The following SLC4A10 variants were observed in gnomAD, a reference collection of about 807,000 sequenced individuals.
SLC4A10 encodes solute carrier family 4 member 10.
In SLC4A10, 42 loss-of-function variants were observed where a neutral mutation model predicts 137.7. The ratio of observed to expected loss-of-function variants is 0.30; its 90% CI spans 0.24 to 0.39. The LOEUF (loss-of-function observed/expected upper bound fraction) is 0.39, where lower values mean the gene tolerates loss of function less well. Among genes scored for constraint, SLC4A10 ranks in the 10% least tolerant of loss-of-function variants. The pLI is 1.00. For missense variants in SLC4A10, 925 were observed against 1,355.0 expected, an observed-to-expected ratio of 0.68 and a Z score of 4.98; for synonymous variants, 474 against 464.1, an observed-to-expected ratio of 1.02 and a Z score of -0.27.
At chr2:161,637,075 AAATACG>A (rs2034523285) in intron 1 of SLC4A10, among the ~76,000 whole-genome samples, 1 of 124,856 alleles carries the variant, frequency 8.0e-6, no homozygotes, top group East Asian at 2.6e-4. Context: ...CTATATACAT[AAATACG>A]TATATACATA....
intron 3 of SLC4A10, among the ~76,000 whole-genome samples, chr2:161,839,037 T>C (rs1030631637): frequency 2.0e-5 from 3 of 152,214 alleles, no homozygotes; most frequent in African/African-American, 4.8e-5. Context: ...GTATTTATAA[T>C]TGGGCCAAGC....
chr2:161,779,892 G>A (rs370616796), intron 2 of SLC4A10, among the ~76,000 whole-genome samples: 2 of 151,810 alleles, frequency 1.3e-5, no homozygotes, highest in East Asian at 1.9e-4. Flanking sequence ...AAGCTTTATT[G>A]GAACATAGCC....
intron 3 of SLC4A10, among the ~76,000 whole-genome samples, chr2:161,835,766 T>A (rs1559356949): frequency 6.6e-6 from 1 of 152,208 alleles, no homozygotes; most frequent in Non-Finnish European, 1.5e-5. Flanking sequence ...TGCTTATATA[T>A]CCTGCTGTAC....
At chr2:161,937,804 A>T (rs1415118663) in intron 15 of SLC4A10, among the ~76,000 whole-genome samples, 1 of 152,168 alleles carries the variant, frequency 6.6e-6, no homozygotes, top group African/African-American at 2.4e-5. Context: ...AACTTACTGC[A>T]ATCTAGGTTC....
chr2:161,663,228 A>G (rs1341568409), intron 1 of SLC4A10, among the ~76,000 whole-genome samples: 1 of 152,224 alleles, frequency 6.6e-6, no homozygotes, highest in Non-Finnish European at 1.5e-5. Flanking sequence ...TTAGAGGAAA[A>G]CAGCCATTTA....
intron 10 of SLC4A10, among the ~76,000 whole-genome samples, chr2:161,887,395 TC>T (rs145119402): frequency 0.26 from 39,608 of 151,994 alleles, 5,552 homozygotes; most frequent in Admixed American, 0.37. Context: ...TGCCACACTG[TC>T]TTTCACAATC....
At chr2:161,867,693 G>A (rs1287543506) in intron 6 of SLC4A10, among the ~76,000 whole-genome samples, 2 of 151,862 alleles carry the variant, frequency 1.3e-5, no homozygotes, top group South Asian at 2.1e-4. Context: ...GAGTTTAATT[G>A]TTTGCATACT....
At chr2:161,891,665 T>C (rs980813511) in intron 10 of SLC4A10, among the ~76,000 whole-genome samples, 1 of 152,038 alleles carries the variant, frequency 6.6e-6, no homozygotes, top group Admixed American at 6.6e-5. Context: ...TATATTCTTC[T>C]CTAGCTGGTT....
At chr2:161,978,803 G>T (rs1699802166) in intron 26 of SLC4A10, among the ~76,000 whole-genome samples, 1 of 152,082 alleles carries the variant, frequency 6.6e-6, no homozygotes. Flanking sequence ...AAGACTTTTG[G>T]TTGGTATTTT....
chr2:161,767,488 C>T (rs2051038370), intron 1 of SLC4A10, among the ~76,000 whole-genome samples: 2 of 151,572 alleles, frequency 1.3e-5, no homozygotes, highest in South Asian at 4.2e-4. Context: ...CAGCAGTAAA[C>T]TAATCAGAAA....
chr2:161,664,525 T>G (rs995531191), intron 1 of SLC4A10, among the ~76,000 whole-genome samples: 17 of 152,054 alleles, frequency 1.1e-4, no homozygotes, highest in African/African-American at 3.8e-4. Context: ...TAGCATATTT[T>G]CAGCCTATGG....
At chr2:161,879,946 T>C (rs890871084) in intron 9 of SLC4A10, among the ~76,000 whole-genome samples, 1 of 152,060 alleles carries the variant, frequency 6.6e-6, no homozygotes, top group Admixed American at 6.6e-5. Context: ...GAATTATGCT[T>C]TTCTCATTTT....
chr2:161,868,945 T>C (rs143871840), intron 6 of SLC4A10, among the ~76,000 whole-genome samples: 36 of 151,764 alleles, frequency 2.4e-4, no homozygotes, highest in African/African-American at 6.0e-4. Flanking sequence ...CATTCATTTA[T>C]AGGAAATAAT....
At chr2:161,710,032 A>G (rs552427382) in intron 1 of SLC4A10, 3 of 151,544 alleles carry the variant, frequency 2.0e-5, no homozygotes, top group Non-Finnish European at 4.4e-5. Flanking sequence ...AAAAATGAAT[A>G]TATTTAAGGA....
At chr2:161,671,525 C>T (rs1574251555) in intron 1 of SLC4A10, among the ~76,000 whole-genome samples, 1 of 151,952 alleles carries the variant, frequency 6.6e-6, no homozygotes, top group Non-Finnish European at 1.5e-5. Context: ...ACACTGGGGA[C>T]TATTAGAAGG....
chr2:161,655,446 G>A (rs569705585), intron 1 of SLC4A10, among the ~76,000 whole-genome samples: 1 of 152,150 alleles, frequency 6.6e-6, no homozygotes, highest in South Asian at 2.1e-4. Flanking sequence ...CCTGATCTTT[G>A]ACGAAAAGCT....
At chr2:161,762,601 A>G (rs2050368709) in intron 1 of SLC4A10, among the ~76,000 whole-genome samples, 1 of 152,066 alleles carries the variant, frequency 6.6e-6, no homozygotes, top group Non-Finnish European at 1.5e-5. Flanking sequence ...AATTTTCTTA[A>G]TTTTGTAATG....
chr2:161,967,753 T>C (rs1343905670), intron 23 of SLC4A10, among the ~76,000 whole-genome samples: 1 of 152,228 alleles, frequency 6.6e-6, no homozygotes, highest in Non-Finnish European at 1.5e-5. Flanking sequence ...GGTGATGTTT[T>C]TGTGACCAGA....
intron 3 of SLC4A10, among the ~76,000 whole-genome samples, chr2:161,836,261 G>T (rs926033211): frequency 2.0e-5 from 3 of 152,188 alleles, no homozygotes; most frequent in Non-Finnish European, 4.4e-5. Context: ...ACTTTGGGAG[G>T]CTGAGGCAGG....
Sources: gnomAD v4.1 joint callset for allele counts (sites outside exome capture counted in the v4.1 genomes callset) on GRCh38, gnomAD v4.1.1 for gene constraint, MANE v1.5 for transcripts, NCBI Gene and HGNC (gene_info 2026-07-23, HGNC 2026-07-21) for gene names.